RIGI: variants seen among roughly 807,000 people sequenced by gnomAD.
The protein encoded by RIGI is RNA sensor RIG-I.
At chr9:32,476,624 C>T in the RIGI span, among the ~76,000 whole-genome samples, 1 of 150,276 alleles carries the variant, frequency 6.7e-6, no homozygotes, top group Non-Finnish European at 1.5e-5. Flanking sequence ...TATATGGTTT[C>T]TTGACCGTAG....
the RIGI span, chr9:32,459,287 T>C: frequency 6.9e-7 from 1 of 1,439,816 alleles, no homozygotes. Context: ...GAAATAATAG[T>C]AGTTTTATTA....
the RIGI span, among the ~76,000 whole-genome samples, chr9:32,484,809 G>A: frequency 1.3e-5 from 2 of 152,126 alleles, no homozygotes; most frequent in East Asian, 1.9e-4. Context: ...TGGGAAATGT[G>A]CTGGGTGATT....
At chr9:32,458,537 G>C in the RIGI span, among the ~76,000 whole-genome samples, 6 of 152,122 alleles carry the variant, frequency 3.9e-5, no homozygotes, top group Non-Finnish European at 8.8e-5. Flanking sequence ...CTACAAAGTA[G>C]CATCTTTACA....
chr9:32,500,867 A>T, the RIGI span: 5 of 1,614,206 alleles, frequency 3.1e-6, no homozygotes, highest in Non-Finnish European at 4.2e-6. Context: ...CTCCAACAGG[A>T]ACTTGAGAAA....
chr9:32,489,492 T>G, the RIGI span: 1 of 1,320,876 alleles, frequency 7.6e-7, no homozygotes, highest in Non-Finnish European at 1.1e-6. Flanking sequence ...CAGTTCCTGC[T>G]CTGAGGAATC....
chr9:32,523,305 C>A, the RIGI span, among the ~76,000 whole-genome samples: 2 of 152,202 alleles, frequency 1.3e-5, no homozygotes, highest in East Asian at 1.9e-4. Context: ...AGGATCTCCA[C>A]ATTAATGTCT....
At chr9:32,466,837 A>G in the RIGI span, among the ~76,000 whole-genome samples, 1 of 152,134 alleles carries the variant, frequency 6.6e-6, no homozygotes, top group Non-Finnish European at 1.5e-5. Flanking sequence ...ACTGTCAGAA[A>G]CACTGCTTTA....
chr9:32,457,044 A>G, the RIGI span: 1 of 1,119,702 alleles, frequency 8.9e-7, no homozygotes, highest in Non-Finnish European at 1.3e-6. Context: ...CAAGCGATCC[A>G]TGATTATACC....
chr9:32,461,759 T>A, the RIGI span, among the ~76,000 whole-genome samples: 4 of 152,130 alleles, frequency 2.6e-5, no homozygotes, highest in African/African-American at 9.7e-5. Context: ...TCATTAGGGA[T>A]TGCCTTATCA....
chr9:32,502,727 G>T, the RIGI span, among the ~76,000 whole-genome samples: 2 of 152,132 alleles, frequency 1.3e-5, no homozygotes, highest in African/African-American at 4.8e-5. Context: ...GGTAGCTGCT[G>T]GCATTCCTTG....
chr9:32,466,365 GTTTA>G, the RIGI span: 4 of 1,613,738 alleles, frequency 2.5e-6, no homozygotes, highest in Non-Finnish European at 3.4e-6. Flanking sequence ...CTTTGTACAT[GTTTA>G]TTTGTTCTTT....
chr9:32,496,044 G>T, the RIGI span, among the ~76,000 whole-genome samples: 1 of 152,008 alleles, frequency 6.6e-6, no homozygotes, highest in Admixed American at 6.6e-5. Flanking sequence ...CATTCCATGG[G>T]TTGACTTTTC....
chr9:32,512,631 T>C, the RIGI span, among the ~76,000 whole-genome samples: 9 of 152,232 alleles, frequency 5.9e-5, no homozygotes, highest in Admixed American at 1.3e-4. Flanking sequence ...TGGGCAAAAG[T>C]TGGAAGCATT....
chr9:32,518,384 T>TA, the RIGI span, among the ~76,000 whole-genome samples: 2,854 of 140,310 alleles, frequency 0.02, 86 homozygotes, highest in African/African-American at 0.061. Flanking sequence ...AATGACTGTT[T>TA]AAAAAAAAAA....
chr9:32,480,353 TTC>T, the RIGI span: 1 of 1,581,754 alleles, frequency 6.3e-7, no homozygotes, highest in Non-Finnish European at 8.7e-7. Context: ...ATCATTATAT[TTC>T]TGTTGAAAGT....
the RIGI span, among the ~76,000 whole-genome samples, chr9:32,495,760 A>T: frequency 5.3e-5 from 8 of 151,362 alleles, no homozygotes; most frequent in East Asian, 1.6e-3. Flanking sequence ...CCTGGGTTCA[A>T]GCAATTCTCC....
At chr9:32,474,639 C>T in the RIGI span, among the ~76,000 whole-genome samples, 3 of 152,212 alleles carry the variant, frequency 2.0e-5, no homozygotes, top group East Asian at 5.8e-4. Flanking sequence ...CTTCAGCCAA[C>T]AGCCATATGA....
chr9:32,472,624 C>CT, the RIGI span, among the ~76,000 whole-genome samples: 1 of 152,226 alleles, frequency 6.6e-6, no homozygotes, highest in African/African-American at 2.4e-5. Context: ...CAGCTCATGT[C>CT]TGGGGGGTTC....
the RIGI span, among the ~76,000 whole-genome samples, chr9:32,458,169 G>GCC: frequency 6.6e-6 from 1 of 152,044 alleles, no homozygotes; most frequent in Non-Finnish European, 1.5e-5. Context: ...CCTCCACTGT[G>GCC]CCCCCCATGC....
Sources: gnomAD v4.1 joint callset for allele counts (sites outside exome capture counted in the v4.1 genomes callset) on GRCh38, gnomAD v4.1.1 for gene constraint, MANE v1.5 for transcripts, NCBI Gene and HGNC (gene_info 2026-07-23, HGNC 2026-07-21) for gene names.